The following LYST variants were observed in gnomAD, a reference collection of about 807,000 sequenced individuals.
LYST encodes the protein lysosomal trafficking regulator, also known as lysosomal-trafficking regulator.
In LYST, 192 loss-of-function variants were observed where a neutral mutation model predicts 413.6. The observed-to-expected ratio is 0.46, with a 90% CI of 0.41 to 0.52. LYST has a LOEUF of 0.52. Ranked by LOEUF, LYST falls within the 20% of genes least tolerant of loss-of-function variation. LYST has a pLI of 0.00. For missense variants in LYST, 3,815 were observed against 4,499.9 expected (o/e 0.85, Z 4.35); for synonymous variants, 1,525 against 1,567.3 (o/e 0.97, Z 0.64).
intron 3 of LYST, chr1:235,827,769 C>G: frequency 1.1e-6 from 1 of 926,404 alleles, no homozygotes; most frequent in Non-Finnish European, 1.3e-6. Flanking sequence ...AAATATTTAA[C>G]TTATGACCTA....
chr1:235,830,811 C>T (rs568624748), intron 2 of LYST, among the ~76,000 whole-genome samples: 26 of 152,100 alleles, frequency 1.7e-4, no homozygotes, highest in African/African-American at 6.3e-4. Flanking sequence ...AAATATAACC[C>T]ATTTTTCACT....
rs140284566 is a variant in LYST at position 235,808,822 on chromosome 1, T to C, written c.1996A>G (p.Ser666Gly). 9.4e-5 allele frequency: 152 copies of C among 1,613,966 alleles called. No homozygotes were observed. The highest frequency in any genetic ancestry group is 3.3e-4 in the Middle Eastern group (2 of 6,084). ...AATCTGTAAGAAGGACTGGATAAACTTGAGGAGAGTTCAGCATCACATAAG... is the reference window on the plus strand; with the variant it reads ...AATCTGTAAGAAGGACTGGATAAACCTGAGGAGAGTTCAGCATCACATAAG... ...GNLCDAELSS[S>G]LSSPSYRFQG... Residue 666 changes from serine (S) to glycine (G), a missense_variant, in exon 5 of 53, where the codon AGT (serine) becomes GGT (glycine). Ser to Gly is a moderately conservative substitution (Grantham distance 56). Around this residue, in one of 4 missense-constraint regions of LYST, gnomAD observed 1,648 missense variants for 1,810.3 expected, o/e 0.91. Transcript: ENST00000389793.
chr1:235,870,226 G>A (rs1680868875), upstream of LYST, among the ~76,000 whole-genome samples: 1 of 152,130 alleles, frequency 6.6e-6, no homozygotes, highest in South Asian at 2.1e-4. Flanking sequence ...GCCTAAAGCT[G>A]CCTCCTTGCA....
chr1:235,700,405 T>A (rs1661449188), intron 45 of LYST, among the ~76,000 whole-genome samples: 1 of 152,150 alleles, frequency 6.6e-6, no homozygotes, highest in African/African-American at 2.4e-5. Flanking sequence ...AACGACCTCA[T>A]GAAAAAGTGG....
At position 235,849,801 on chromosome 1, in the gene LYST, T is replaced by C. The variant is rs190643006; in HGVS notation, c.-97-16134A>G. On this transcript the variant is annotated intron_variant, in intron 1 of 52. Coordinates refer to ENST00000389793, the MANE Select transcript of LYST (RefSeq NM_000081.4). ...AAAAAAAAAAAAAAAAAAAAAAACT[T>C]AGGAAGACACCTAACAAAGGAATTG... Among the ~76,000 whole-genome samples, 86 of 138,838 alleles carry C rather than the reference T, an allele frequency of 6.2e-4. 1 individual carries two copies. The highest frequency in any genetic ancestry group is 1.1e-3 in the Non-Finnish European group (70 of 64,852). 91.1% of individuals were successfully genotyped at this position (138,838 alleles called of 152,430 possible).
At chr1:235,768,788 G>A (rs1015633058) in intron 20 of LYST, among the ~76,000 whole-genome samples, 2 of 151,940 alleles carry the variant, frequency 1.3e-5, no homozygotes, top group East Asian at 1.9e-4. Flanking sequence ...ATGGACATGC[G>A]AAGGAAAAAA....
At chr1:235,805,707 T>C (rs1223224881) in intron 6 of LYST, 36 bp downstream of exon 6, 8 of 1,265,182 alleles carry the variant, frequency 6.3e-6, no homozygotes. Flanking sequence ...TATGTATATA[T>C]ATTACATAAG....
intron 1 of LYST, among the ~76,000 whole-genome samples, chr1:235,844,066 G>A (rs1257014554): frequency 6.6e-6 from 1 of 152,162 alleles, no homozygotes. Flanking sequence ...AATAATAAGT[G>A]CCCAATAAAT....
At chr1:235,738,356 A>G in intron 31 of LYST, 1 of 1,612,460 alleles carries the variant, frequency 6.2e-7, no homozygotes, top group Non-Finnish European at 8.5e-7. Context: ...CTTTAAATTC[A>G]TCATTCCTAA....
At chr1:235,695,151 TTTATTAAGCAC>T (rs1231853363) in intron 46 of LYST, among the ~76,000 whole-genome samples, 4 of 152,246 alleles carry the variant, frequency 2.6e-5, no homozygotes, top group African/African-American at 9.6e-5. Flanking sequence ...CCAATAAGCA[TTTATTAAGCAC>T]TTAGAATGAA....
At position 235,785,163 on chromosome 1, in the gene LYST, C is replaced by A. The variant is rs1420137169; in HGVS notation, c.4862+2037G>T. On this transcript the variant is annotated intron_variant, in intron 14 of 52. Coordinates refer to ENST00000389793, the MANE Select transcript of LYST (RefSeq NM_000081.4). ...CTGTCCTCCTCCCACCTGCACAGGG[C>A]AAATTCCATCTCCTCCTTCAGGTCT... Among the ~76,000 whole-genome samples the A allele has an allele frequency of 4.6e-5, 7 of 152,190 alleles. No individual in the cohort carries two copies. In the East Asian group the frequency reaches 9.6e-4, roughly 21 times the overall value.
At chr1:235,737,944 A>G in intron 31 of LYST, 1 of 1,216,804 alleles carries the variant, frequency 8.2e-7, no homozygotes, top group Non-Finnish European at 1.0e-6. Flanking sequence ...GCGTGCCCCA[A>G]CACCCGCCGG....
chr1:235,874,878 G>A (rs932760060), intron 1 of LYST, among the ~76,000 whole-genome samples: 2 of 152,096 alleles, frequency 1.3e-5, no homozygotes, highest in Non-Finnish European at 2.9e-5. Flanking sequence ...CATAAAATCC[G>A]TGTGTCCAGA....
intron 50 of LYST, among the ~76,000 whole-genome samples, chr1:235,671,483 T>A (rs1489711897): frequency 6.6e-6 from 1 of 152,188 alleles, no homozygotes; most frequent in Non-Finnish European, 1.5e-5. Context: ...CCAGGATGAA[T>A]CCCACTGGGA....
rs990422089 is a variant in LYST at position 235,784,947 on chromosome 1, T to A, written c.4862+2253A>T. Among the ~76,000 whole-genome samples the A allele has an allele frequency of 7.2e-5, 11 of 152,350 alleles. No homozygotes were observed. The East Asian group carries it at 1.2e-3, about 16-fold the overall frequency. The stretch of plus-strand genomic sequence containing the variant: ...TTCAATTACGTATTTTTACATTTTT[T>A]AAAATGAATACAACAAAACTGAACT... On this transcript the variant is annotated intron_variant, in intron 14 of 52. Transcript: ENST00000389793.
chr1:235,664,724 T>C lies in LYST; in HGVS notation c.11039-103A>G, dbSNP rs1418624267. The stretch of plus-strand genomic sequence containing the variant: ...CCTGAAGGGCAAGCTCATTTGTTTA[T>C]TGATGAAGTTTGTAGACAACCCATG... On this transcript the variant is annotated intron_variant, in intron 50 of 52. Transcript: ENST00000389793. This position sits in a 1 kb window ranked among gnomAD's most constrained non-coding sequence, Gnocchi z 4.5. 5 of 963,902 alleles carry C rather than the reference T, an allele frequency of 5.2e-6. No homozygotes were observed. Among genetic ancestry groups the C allele is most frequent in the Non-Finnish European group, 8.3e-6 (5 of 605,724 alleles). 59.7% of individuals were successfully genotyped at this position (963,902 alleles called of 1,614,324 possible). A position where few individuals can be genotyped will look rare whatever the true frequency, so the allele number is the denominator to read the frequency against.
chr1:235,882,247 A>C, intron 1 of LYST, among the ~76,000 whole-genome samples: 1 of 152,216 alleles, frequency 6.6e-6, no homozygotes, highest in South Asian at 2.1e-4. Flanking sequence ...CTGAGGGAAT[A>C]GCATAGGAAG....
rs1310309929 is a variant in LYST at position 235,734,530 on chromosome 1, G to T, written c.8488C>A (p.Pro2830Thr). The T allele has an allele frequency of 6.2e-7, 1 of 1,613,604 alleles. No individual in the cohort carries two copies. Among genetic ancestry groups the T allele is most frequent in the Non-Finnish European group, 8.5e-7 (1 of 1,179,630 alleles). The change falls in exon 32 of 53, where the codon CCT (proline) becomes ACT (threonine). Residue 2830 changes from proline (P) to threonine (T), a missense_variant. This residue lies in a region of LYST where 771 missense variants were observed against 837.1 expected (regional missense o/e 0.92). Transcript: ENST00000389793. ...TCTGCTTTTGTTGATGCACTGGGAG[G>T]GATGCACTTGTGACCACATAACTTC... Reference protein sequence around the residue: ...ALKLCGHKCIPPSASTKADLI... With the variant: ...ALKLCGHKCITPSASTKADLI...
intron 25 of LYST, 114 bp downstream of exon 25, chr1:235,755,364 G>C: frequency 9.9e-7 from 1 of 1,009,452 alleles, no homozygotes; most frequent in Non-Finnish European, 1.5e-6. Context: ...ACTCCAGCCT[G>C]GGCAACAGGG....
Sources: gnomAD v4.1 joint callset for allele counts (sites outside exome capture counted in the v4.1 genomes callset) on GRCh38, gnomAD v4.1.1 for gene constraint, gnomAD v4.1.1 regional missense constraint, Gnocchi (gnomAD v3.1) non-coding constraint, MANE v1.5 for transcripts, NCBI Gene and HGNC (gene_info 2026-07-23, HGNC 2026-07-21) for gene names.